Variants in IL12RB2 observed in about 807,000 individuals in gnomAD.
The protein encoded by IL12RB2 is interleukin 12 receptor subunit beta 2, also known as interleukin-12 receptor subunit beta-2.
A neutral mutation model predicts 89.4 loss-of-function variants in IL12RB2; 82 were observed. The ratio of observed to expected loss-of-function variants is 0.92; its 90% CI spans 0.77 to 1.10. The LOEUF is 1.10. Ranked by LOEUF, IL12RB2 falls within the 50% of genes least tolerant of loss-of-function variation. IL12RB2 has a pLI of 0.00. For missense variants in IL12RB2, 963 were observed against 1,031.9 expected, an observed-to-expected ratio of 0.93 and a Z score of 0.92; for synonymous variants, 368 against 370.1, an observed-to-expected ratio of 0.99 and a Z score of 0.07.
intron 8 of IL12RB2, among the ~76,000 whole-genome samples, chr1:67,333,654 T>G (rs1444001609): frequency 7.9e-5 from 12 of 152,188 alleles, no homozygotes; most frequent in Non-Finnish European, 4.4e-5. Context: ...AAGAAACTAC[T>G]TTGCTGTGTT....
intron 16 of IL12RB2, among the ~76,000 whole-genome samples, chr1:67,392,317 T>G (rs79134698): frequency 0.054 from 8,243 of 152,182 alleles, 293 homozygotes; most frequent in Admixed American, 0.077. Flanking sequence ...TTTGGGTACA[T>G]CCATACAATA....
At chr1:67,318,360 A>G (rs191763059) in intron 2 of IL12RB2, among the ~76,000 whole-genome samples, 10 of 152,192 alleles carry the variant, frequency 6.6e-5, no homozygotes, top group Admixed American at 4.6e-4. Flanking sequence ...GGGTAACATG[A>G]TCTGATTTAT....
intron 8 of IL12RB2, among the ~76,000 whole-genome samples, chr1:67,337,167 T>C (rs1658880789): frequency 6.6e-6 from 1 of 152,150 alleles, no homozygotes; most frequent in Non-Finnish European, 1.5e-5. Context: ...TCCCTTTCTT[T>C]CTCTTTTGCT....
chr1:67,358,536 A>G (rs1368643252), intron 10 of IL12RB2, among the ~76,000 whole-genome samples: 1 of 152,188 alleles, frequency 6.6e-6, no homozygotes, highest in East Asian at 1.9e-4. Flanking sequence ...AGATTGTGCC[A>G]CTGCACTCCA....
chr1:67,312,332 T>C (rs1289289095), intron 1 of IL12RB2, among the ~76,000 whole-genome samples: 1 of 152,218 alleles, frequency 6.6e-6, no homozygotes, highest in East Asian at 1.9e-4. Context: ...TTTAGGCTTA[T>C]GGGAGCTATT....
At position 67,371,219 on chromosome 1, in the gene IL12RB2, C is replaced by T. The variant is rs531223100; in HGVS notation, c.1460-1217C>T. Among the ~76,000 whole-genome samples, 17 of 152,256 alleles carry T rather than the reference C, an allele frequency of 1.1e-4. No homozygotes were observed. In the East Asian group the frequency reaches 1.9e-3, roughly 17 times the overall value. On this transcript the variant is annotated intron_variant, in intron 11 of 16. Transcript: ENST00000674203. The stretch of plus-strand genomic sequence containing the variant: ...GCTGACTGTGTCCTTTTCTCCACTT[C>T]GCTTAGTTCATGAACTCAAATTGGA...
At chr1:67,329,846 A>C (rs1657826875) in intron 7 of IL12RB2, 117 bp downstream of exon 7, 1 of 776,946 alleles carries the variant, frequency 1.3e-6, no homozygotes. Context: ...CCAAAAGTAC[A>C]CACGAGAGAA....
intron 9 of IL12RB2, among the ~76,000 whole-genome samples, chr1:67,339,421 G>A (rs1368152570): frequency 2.6e-5 from 4 of 151,826 alleles, no homozygotes; most frequent in Non-Finnish European, 5.9e-5. Flanking sequence ...CGGGAGGCAG[G>A]GGTTGCAGTG....
rs1475315532 is a variant in IL12RB2 at position 67,330,763 on chromosome 1, G to T, written c.911G>T (p.Ser304Ile). The T allele has an allele frequency of 2.5e-6, 4 of 1,569,578 alleles. No homozygotes were observed. Among genetic ancestry groups the T allele is most frequent in the East Asian group, 4.5e-5 (2 of 44,602 alleles). ...ISSKLHLYKG[S>I]WSDWSESLRA... ...TCTAAGCTACATCTTTATAAGGGAA[G>T]TTGGAGTGATTGGAGTGAATCATTG... The change falls in exon 8 of 17, where the codon AGT becomes ATT. Residue 304 changes from serine to isoleucine, a missense_variant. Ser to Ile is a moderately radical substitution (Grantham distance 142). Transcript: ENST00000674203.
intron 9 of IL12RB2, among the ~76,000 whole-genome samples, chr1:67,344,077 G>A (rs1388061105): frequency 6.6e-6 from 1 of 152,128 alleles, no homozygotes; most frequent in Admixed American, 6.5e-5. Context: ...AGGTTCAGGT[G>A]GAAGGATGAT....
At position 67,321,690 on chromosome 1, in the gene IL12RB2, C is replaced by T. The variant is rs780415758; in HGVS notation, c.165C>T (p.Pro55=). The T allele has an allele frequency of 6.2e-7, 1 of 1,606,952 alleles. No homozygotes were observed. Among genetic ancestry groups the T allele is most frequent in the Non-Finnish European group, 8.5e-7 (1 of 1,173,620 alleles). ...TCAATATTACATGCTCTTTGAAGCCCAGACAAGGCTGCTTTCACTATTCCA... is the reference window on the plus strand; with the variant it reads ...TCAATATTACATGCTCTTTGAAGCCTAGACAAGGCTGCTTTCACTATTCCA... ...STVNITCSLK[P]RQGCFHYSRR... Residue 55 remains proline, a synonymous_variant, in exon 4 of 17, where the codon CCC becomes CCT. Transcript: ENST00000674203.
intron 9 of IL12RB2, among the ~76,000 whole-genome samples, chr1:67,346,088 T>C (rs1660187737): frequency 6.6e-6 from 1 of 152,162 alleles, no homozygotes; most frequent in Non-Finnish European, 1.5e-5. Context: ...GTCCAGCAGT[T>C]AAGAGTTCAC....
intron 11 of IL12RB2, among the ~76,000 whole-genome samples, chr1:67,370,648 G>T (rs376937457): frequency 3.9e-5 from 6 of 152,106 alleles, no homozygotes; most frequent in Admixed American, 1.3e-4. Flanking sequence ...CGGAAATTGC[G>T]GCCAGACTCT....
chr1:67,339,434 C>T (rs1659267547), intron 9 of IL12RB2, among the ~76,000 whole-genome samples: 1 of 151,260 alleles, frequency 6.6e-6, no homozygotes, highest in Non-Finnish European at 1.5e-5. Context: ...TTGCAGTGAG[C>T]CAAGATCATG....
At chr1:67,389,330 A>G (rs1487939564) in intron 15 of IL12RB2, among the ~76,000 whole-genome samples, 2 of 112,492 alleles carry the variant, frequency 1.8e-5, no homozygotes, top group Admixed American at 8.9e-5. Context: ...ATTGTAAAGC[A>G]TACTTTTAAA....
At chr1:67,341,253 A>G (rs1659492080) in intron 9 of IL12RB2, among the ~76,000 whole-genome samples, 1 of 152,126 alleles carries the variant, frequency 6.6e-6, no homozygotes, top group African/African-American at 2.4e-5. Context: ...CCCTGTCTCT[A>G]CCAAAATACA....
intron 14 of IL12RB2, among the ~76,000 whole-genome samples, chr1:67,381,471 A>T (rs1476369191): frequency 6.6e-6 from 1 of 152,198 alleles, no homozygotes; most frequent in African/African-American, 2.4e-5. Flanking sequence ...CTCCCATGAA[A>T]GTTAACTTGC....
intron 8 of IL12RB2, among the ~76,000 whole-genome samples, chr1:67,334,421 T>C (rs1558311292): frequency 6.6e-6 from 1 of 152,240 alleles, no homozygotes; most frequent in Non-Finnish European, 1.5e-5. Context: ...AACAAAACTT[T>C]ATTTATGTAT....
chr1:67,313,933 A>T lies in IL12RB2; in HGVS notation c.-104A>T, dbSNP rs1320584568. 1 of 152,132 alleles carries T rather than the reference A, an allele frequency of 6.6e-6. No individual in the cohort carries two copies. Among genetic ancestry groups the T allele is most frequent in the East Asian group, 1.9e-4 (1 of 5,194 alleles). 9.4% of individuals were successfully genotyped at this position (152,132 alleles called of 1,614,324 possible). On this transcript the variant is annotated 5_prime_UTR_variant, in exon 2 of 17. Transcript: ENST00000674203. ...TCTAGGTCACGGTGATCCATTTGTA[A>T]AGTCGGGAATAAATGACCTCTGAAG...
Sources: allele counts gnomAD v4.1 joint callset (sites outside exome capture counted in the v4.1 genomes callset), GRCh38; gene constraint gnomAD v4.1.1; transcripts MANE v1.5; gene names NCBI Gene and HGNC (gene_info 2026-07-23, HGNC 2026-07-21).